The following ZBTB49 variants were observed in gnomAD, a reference collection of about 807,000 sequenced individuals.
ZBTB49 encodes zinc finger and BTB domain-containing protein 49.
ZBTB49 carries 43 observed loss-of-function variants against 57.5 expected under a neutral mutation model. That is an observed-to-expected ratio of 0.75 (90% CI 0.59 to 0.97). The LOEUF (loss-of-function observed/expected upper bound fraction) is 0.97. Among genes scored for constraint, ZBTB49 ranks in the 50% least tolerant of loss-of-function variants. The probability of loss-of-function intolerance (pLI) is 0.00; values close to 1 mark genes in which losing one functional copy is unlikely to be tolerated. For synonymous variants in ZBTB49, 369 were observed against 362.1 expected (o/e 1.02, Z -0.22); for missense variants, 938 against 947.7 (o/e 0.99, Z 0.13).
At chr4:4,308,686 G>A (rs1720846710) in intron 4 of ZBTB49, among the ~76,000 whole-genome samples, 1 of 152,242 alleles carries the variant, frequency 6.6e-6, no homozygotes, top group African/African-American at 2.4e-5. Flanking sequence ...CTGTCCATGA[G>A]CTCTGCTGTG....
chr4:4,308,541 GT>G (rs1720840184), intron 4 of ZBTB49, among the ~76,000 whole-genome samples: 1 of 152,242 alleles, frequency 6.6e-6, no homozygotes. Flanking sequence ...CTTTTGTTAG[GT>G]TTCTGTGATT....
At chr4:4,293,242 G>T (rs1451172408) in intron 1 of ZBTB49, among the ~76,000 whole-genome samples, 1 of 151,846 alleles carries the variant, frequency 6.6e-6, no homozygotes, top group Non-Finnish European at 1.5e-5. Context: ...TTTACTGCTT[G>T]TCACTAGGTG....
At position 4,303,200 on chromosome 4, in the gene ZBTB49, T is replaced by G. The variant is rs549010279; in HGVS notation, c.1255+109T>G. On this transcript the variant is annotated intron_variant, in intron 3 of 7. Transcript: ENST00000337872. The stretch of plus-strand genomic sequence containing the variant: ...AAGTTTTGCTGTTGTTTGATGTCAT[T>G]GATGATTTTAAACAAAATAAGGGGG... 8 of 1,321,958 alleles carry G rather than the reference T, an allele frequency of 6.1e-6. No homozygotes were observed. In the African/African-American group the frequency reaches 1.2e-4, roughly 20 times the overall value. The allele number at this position is 1,321,958 out of a possible 1,614,324, so 81.9% of individuals were successfully genotyped here.
In ZBTB49 at chr4:4,302,897, A is replaced by C. The variant is rs1720561898; in HGVS notation, c.1061A>C (p.Glu354Ala). The change falls in exon 3 of 8, where the codon GAA (glutamate) becomes GCA (alanine). Residue 354 changes from glutamate (E) to alanine (A), a missense_variant. Physicochemically the swap from Glu to Ala is moderately radical, Grantham distance 107 (BLOSUM62 -1). Coordinates refer to ENST00000337872, the MANE Select transcript of ZBTB49 (RefSeq NM_145291.4). ...GAGAAAGCTAGCAGCCAAAGTGCTGAAGAAAAAGAAAGTGAAGAAGTCGTC... is the reference window on the plus strand; with the variant it reads ...GAGAAAGCTAGCAGCCAAAGTGCTGCAGAAAAAGAAAGTGAAGAAGTCGTC... ...TLEKASSQSA[E>A]EKESEEVVSC... 2 of 1,614,068 alleles carry C rather than the reference A, an allele frequency of 1.2e-6. No homozygotes were observed. Among genetic ancestry groups the C allele is most frequent in the Non-Finnish European group, 1.7e-6 (2 of 1,180,016 alleles).
intron 5 of ZBTB49, among the ~76,000 whole-genome samples, chr4:4,315,394 AGT>A (rs1169160610): frequency 6.6e-6 from 1 of 152,208 alleles, no homozygotes; most frequent in Non-Finnish European, 1.5e-5. Flanking sequence ...TGAGGAAGAA[AGT>A]GTGATGAAAT....
In ZBTB49 at chr4:4,302,668, G is replaced by GCCCAGCCTGTGAATGACTCTGC; in HGVS notation, c.837_858dup (p.His287AlafsTer4). 6.2e-7 allele frequency: 1 copy of GCCCAGCCTGTGAATGACTCTGC among 1,610,274 alleles called. No individual in the cohort carries two copies. The highest frequency in any genetic ancestry group is 8.5e-7 in the Non-Finnish European group (1 of 1,177,868). On this transcript the variant is annotated frameshift_variant, in exon 3 of 8. Transcript: ENST00000337872. LOFTEE classifies it high-confidence loss of function. ...CGAGCACTTACCTTCCAACTTCCTG[G>GCCCAGCCTGTGAATGACTCTGC]CCCAGCCTGTGAATGACTCTGCCCC...
chr4:4,302,062 G>T lies in ZBTB49; in HGVS notation c.226G>T (p.Gly76Trp). 1 of 1,612,618 alleles carries T rather than the reference G, an allele frequency of 6.2e-7. No individual in the cohort carries two copies. The highest frequency in any genetic ancestry group is 1.1e-5 in the South Asian group (1 of 90,916). Residue 76 changes from glycine to tryptophan, a missense_variant, in exon 3 of 8, where the codon GGG (glycine) becomes TGG (tryptophan). By Grantham distance (184) the Gly-to-Trp change is radical (BLOSUM62 -2). Transcript: ENST00000337872. The part of the protein sequence containing the change: ...HLDVKNVSGI[G>W]QILDFMYTSH... Reference sequence around the variant, plus strand: ...GGATGTTAAAAATGTCAGTGGCATAGGGCAGATCCTGGACTTCATGTACAC... The same window carrying T: ...GGATGTTAAAAATGTCAGTGGCATATGGCAGATCCTGGACTTCATGTACAC...
At chr4:4,298,477 AGGG>A in intron 1 of ZBTB49, among the ~76,000 whole-genome samples, 1 of 131,452 alleles carries the variant, frequency 7.6e-6, no homozygotes, top group South Asian at 2.6e-4. Context: ...CTGGAGGGCG[AGGG>A]CAGTGGTGCC....
chr4:4,301,822 T>C (rs2108877297), intron 2 of ZBTB49, among the ~76,000 whole-genome samples, 167 bp from the exon 3 acceptor site: 1 of 152,324 alleles, frequency 6.6e-6, no homozygotes, highest in East Asian at 1.9e-4. Flanking sequence ...AATTATTTAG[T>C]TGGATGGTTT....
intron 4 of ZBTB49, among the ~76,000 whole-genome samples, chr4:4,307,944 A>G (rs1720809768): frequency 1.3e-5 from 2 of 152,192 alleles, no homozygotes; most frequent in Non-Finnish European, 1.5e-5. Flanking sequence ...ATAGCTGACC[A>G]TATAAGTTAA....
At chr4:4,295,060 T>C (rs1002783641) in intron 1 of ZBTB49, among the ~76,000 whole-genome samples, 34 of 152,168 alleles carry the variant, frequency 2.2e-4, no homozygotes, top group African/African-American at 8.0e-4. Context: ...ATCTTAATTG[T>C]TTCTCTTGTG....
chr4:4,291,680 T>C (rs1194137535), intron 1 of ZBTB49, among the ~76,000 whole-genome samples: 1 of 152,198 alleles, frequency 6.6e-6, no homozygotes, highest in Non-Finnish European at 1.5e-5. Flanking sequence ...TTGGTTGTTG[T>C]TGTTTGTTTG....
At chr4:4,318,031 C>T (rs1721260638) in intron 7 of ZBTB49, among the ~76,000 whole-genome samples, 1 of 152,182 alleles carries the variant, frequency 6.6e-6, no homozygotes, top group African/African-American at 2.4e-5. Context: ...GGCCTGTATT[C>T]AGGGGCCTGC....
rs2108906154 is a variant in ZBTB49 at position 4,320,835 on chromosome 4, C to T, written c.1817C>T (p.Ser606Phe). The T allele has an allele frequency of 6.2e-7, 1 of 1,614,190 alleles. No individual in the cohort carries two copies. The highest frequency in any genetic ancestry group is 8.5e-7 in the Non-Finnish European group (1 of 1,180,034). The change falls in exon 8 of 8, where the codon TCC (serine) becomes TTC (phenylalanine). Residue 606 changes from serine (S) to phenylalanine (F), a missense_variant. By Grantham distance (155) the Ser-to-Phe change is radical. Coordinates refer to ENST00000337872, the MANE Select transcript of ZBTB49 (RefSeq NM_145291.4). ...LEELSQAIET[S>F]DLEKSQSSDS... ...GAGCTCAGCCAAGCCATCGAGACCTCCGACCTCGAGAAATCTCAGAGCTCA... is the reference window on the plus strand; with the variant it reads ...GAGCTCAGCCAAGCCATCGAGACCTTCGACCTCGAGAAATCTCAGAGCTCA...
rs1720371672 is a variant in ZBTB49, at chr4:4,299,382, TC to T, written c.-19-542del. Among the ~76,000 whole-genome samples, 3 of 152,220 alleles carry T rather than the reference TC, an allele frequency of 2.0e-5. No individual in the cohort carries two copies. The South Asian group carries it at 6.2e-4, about 32-fold the overall frequency. ...TAGGTATTTTGACCTGTACCTTATC[TC>T]CCAAAATAGGCTCCTAATTTCCCCG... is the stretch of plus-strand genomic sequence containing the variant. On this transcript the variant is annotated intron_variant, in intron 1 of 7. Transcript: ENST00000337872.
chr4:4,302,113 A>G lies in ZBTB49; in HGVS notation c.277A>G (p.Asn93Asp). ...TTCTCATCTAGATCTTAACCAGGAC[A>G]ATATACAAGTAATGCTGGACACAGC... ...YTSHLDLNQDNIQVMLDTAQC... is the reference protein window; with the variant it reads ...YTSHLDLNQDDIQVMLDTAQC... Residue 93 changes from asparagine to aspartate, a missense_variant, in exon 3 of 8, where the codon AAT becomes GAT. By Grantham distance (23) the Asn-to-Asp change is conservative. Coordinates refer to ENST00000337872, the MANE Select transcript of ZBTB49 (RefSeq NM_145291.4). The G allele has an allele frequency of 1.2e-6, 2 of 1,614,248 alleles. No individual in the cohort carries two copies. Among genetic ancestry groups the G allele is most frequent in the Non-Finnish European group, 1.7e-6 (2 of 1,180,032 alleles).
chr4:4,316,182 G>A (rs567182409), intron 7 of ZBTB49, among the ~76,000 whole-genome samples: 91 of 152,244 alleles, frequency 6.0e-4, no homozygotes, highest in African/African-American at 2.1e-3. Flanking sequence ...TAAACGCTCC[G>A]AATACAAAGA....
rs555378695 is a variant in ZBTB49 at position 4,308,423 on chromosome 4, G to T, written c.1302+2239G>T. On this transcript the variant is annotated intron_variant, in intron 4 of 7. Coordinates refer to ENST00000337872, the MANE Select transcript of ZBTB49 (RefSeq NM_145291.4). ...TTCAGCAATTTTGGTGTGCAGCCAAGGTTGAGAACCACCACTATAGCTCTT... is the reference window on the plus strand; with the variant it reads ...TTCAGCAATTTTGGTGTGCAGCCAATGTTGAGAACCACCACTATAGCTCTT... Among the ~76,000 whole-genome samples, 19 of 152,268 alleles carry T rather than the reference G, an allele frequency of 1.2e-4. No individual in the cohort carries two copies. In the South Asian group the frequency reaches 3.9e-3, roughly 32 times the overall value.
chr4:4,310,864 A>G (rs1720959180), intron 4 of ZBTB49, among the ~76,000 whole-genome samples: 1 of 152,048 alleles, frequency 6.6e-6, no homozygotes, highest in South Asian at 2.1e-4. Flanking sequence ...GATTTCTAAG[A>G]CATGGTCTGT....
Sources: gnomAD v4.1 joint callset for allele counts (sites outside exome capture counted in the v4.1 genomes callset) on GRCh38, gnomAD v4.1.1 for gene constraint, MANE v1.5 for transcripts, NCBI Gene and HGNC (gene_info 2026-07-23, HGNC 2026-07-21) for gene names.